CENPH: variants seen among roughly 807,000 people sequenced by gnomAD.
CENPH encodes CENP-H.
A neutral mutation model predicts 42.9 loss-of-function variants in CENPH; 40 were observed. The ratio of observed to expected loss-of-function variants is 0.93; its 90% CI spans 0.72 to 1.21. CENPH has a LOEUF of 1.21. Ranked by LOEUF, CENPH falls within the 50% of genes most tolerant of loss-of-function variation. The pLI is 0.00. For missense variants in CENPH, 302 were observed against 292.9 expected, an observed-to-expected ratio of 1.03 and a Z score of -0.23; for synonymous variants, 88 against 96.5, an observed-to-expected ratio of 0.91 and a Z score of 0.52.
chr5:69,190,155 A>G (rs1305914748), intron 1 of CENPH, among the ~76,000 whole-genome samples: 1 of 152,208 alleles, frequency 6.6e-6, no homozygotes, highest in African/African-American at 2.4e-5. Context: ...TTTGTAACCC[A>G]GAAGCTTTAT....
chr5:69,205,955 C>T (rs916906859), intron 7 of CENPH, among the ~76,000 whole-genome samples: 8 of 151,742 alleles, frequency 5.3e-5, no homozygotes, highest in Non-Finnish European at 8.8e-5. Flanking sequence ...GTGATCCGCC[C>T]TCCTCGACCA....
At position 69,209,920 on chromosome 5, in the gene CENPH, G is replaced by C; in HGVS notation, c.*121G>C. 1 of 579,822 alleles carries C rather than the reference G, an allele frequency of 1.7e-6. No homozygotes were observed. The highest frequency in any genetic ancestry group is 2.5e-5 in the South Asian group (1 of 39,458). The allele number at this position is 579,822 out of a possible 1,614,324, so 35.9% of individuals were successfully genotyped here. ...AAGCATATCCATAACGTTTACAGTT[G>C]TAGTACAGTTGTGGTTAGTTATTTG... On this transcript the variant is annotated 3_prime_UTR_variant, in exon 9 of 9. Coordinates refer to ENST00000283006, the MANE Select transcript of CENPH (RefSeq NM_022909.4).
At chr5:69,198,021 C>T (rs1284103271) in intron 5 of CENPH, among the ~76,000 whole-genome samples, 4 of 150,258 alleles carry the variant, frequency 2.7e-5, no homozygotes, top group East Asian at 2.0e-4. Flanking sequence ...CCCGGGTTCA[C>T]GCCATTCTCC....
chr5:69,209,363 C>T (rs1748211035), intron 8 of CENPH, among the ~76,000 whole-genome samples: 2 of 151,802 alleles, frequency 1.3e-5, no homozygotes, highest in South Asian at 2.1e-4. Flanking sequence ...TACGTTGAAA[C>T]CCTGTCTCTA....
At chr5:69,195,313 C>T (rs1397480139) in intron 3 of CENPH, among the ~76,000 whole-genome samples, 1 of 152,180 alleles carries the variant, frequency 6.6e-6, no homozygotes, top group East Asian at 1.9e-4. Context: ...TAATCCTCCA[C>T]CTTGGCCTCC....
At chr5:69,200,112 C>CAAAAAAAAAAAAAAAAAA (rs373894870) in intron 5 of CENPH, among the ~76,000 whole-genome samples, 1 of 51,408 alleles carries the variant, frequency 1.9e-5, no homozygotes, top group Non-Finnish European at 4.2e-5. Context: ...GACTCTGTCT[C>CAAAAAAAAAAAAAAAAAA]AAAAAAAAAA....
Position 69,207,535 on chromosome 5 carries a change from C to T in CENPH, c.488-661C>T, listed in dbSNP as rs376151541. Among the ~76,000 whole-genome samples, 15 of 143,618 alleles carry T rather than the reference C, an allele frequency of 1.0e-4. 1 individual carries two copies. In the East Asian group the frequency reaches 2.0e-3, roughly 19 times the overall value. 94.2% of individuals were successfully genotyped at this position (143,618 alleles called of 152,430 possible). On this transcript the variant is annotated intron_variant, in intron 7 of 8. Coordinates refer to ENST00000283006, the MANE Select transcript of CENPH (RefSeq NM_022909.4). ...AAAAGTAAGATTCCTTGGCCGGGCG[C>T]GGTGGCTCACGCCTGTAATCTCAGC...
chr5:69,200,719 C>CT (rs70992906), intron 5 of CENPH, among the ~76,000 whole-genome samples: 863 of 46,846 alleles, frequency 0.018, 233 homozygotes, highest in Non-Finnish European at 0.024. Flanking sequence ...ATCAGCGTAT[C>CT]TTTTTTTTTT....
At chr5:69,204,600 T>TTTTTTC (rs1748118318) in intron 7 of CENPH, among the ~76,000 whole-genome samples, 1 of 120,566 alleles carries the variant, frequency 8.3e-6, no homozygotes, top group African/African-American at 3.2e-5. Context: ...TGTATTTCTT[T>TTTTTTC]TTTTTTTTTT....
chr5:69,202,832 G>T, intron 6 of CENPH, 87 bp from the exon 7 acceptor site: 1 of 818,972 alleles, frequency 1.2e-6, no homozygotes, highest in Non-Finnish European at 2.0e-6. Context: ...GATAACTAAG[G>T]CTAGTAGATA....
At chr5:69,207,191 C>CT (rs796282210) in intron 7 of CENPH, among the ~76,000 whole-genome samples, 157 of 145,862 alleles carry the variant, frequency 1.1e-3, no homozygotes, top group African/African-American at 1.9e-3. Context: ...GGGAATCTTA[C>CT]TTTTTTTTTT....
In CENPH at chr5:69,209,913, T is replaced by G. The variant is rs1748219657; in HGVS notation, c.*114T>G. ...TTTAGAAAAGCATATCCATAACGTT[T>G]ACAGTTGTAGTACAGTTGTGGTTAG... On this transcript the variant is annotated 3_prime_UTR_variant, in exon 9 of 9. Coordinates refer to ENST00000283006, the MANE Select transcript of CENPH (RefSeq NM_022909.4). The G allele has an allele frequency of 6.4e-6, 4 of 623,328 alleles. No individual in the cohort carries two copies. Among genetic ancestry groups the G allele is most frequent in the Admixed American group, 2.9e-5 (1 of 34,362 alleles). 38.6% of individuals were successfully genotyped at this position (623,328 alleles called of 1,614,324 possible). A position where few individuals can be genotyped will look rare whatever the true frequency, so the allele number is the denominator to read the frequency against.
At chr5:69,195,459 A>G (rs1276163974) in intron 3 of CENPH, among the ~76,000 whole-genome samples, 3 of 152,024 alleles carry the variant, frequency 2.0e-5, no homozygotes, top group Non-Finnish European at 4.4e-5. Flanking sequence ...GAAGTTGTTA[A>G]TTTGGGATGG....
At chr5:69,193,918 C>G (rs572975009) in intron 2 of CENPH, among the ~76,000 whole-genome samples, 3 of 152,212 alleles carry the variant, frequency 2.0e-5, no homozygotes, top group African/African-American at 7.2e-5. Flanking sequence ...TCCCAAAGTA[C>G]TGGGATTACA....
At chr5:69,204,031 T>A (rs1430194223) in intron 7 of CENPH, among the ~76,000 whole-genome samples, 1 of 68,594 alleles carries the variant, frequency 1.5e-5, no homozygotes, top group Non-Finnish European at 3.0e-5. Context: ...ATTATATATA[T>A]AATTATATAT....
intron 3 of CENPH, among the ~76,000 whole-genome samples, chr5:69,195,052 A>G (rs1747941822): frequency 6.6e-6 from 1 of 151,978 alleles, no homozygotes. Flanking sequence ...CAACATGGAG[A>G]AACCCCATCT....
chr5:69,200,194 TA>T (rs1444659532), intron 5 of CENPH, among the ~76,000 whole-genome samples: 14 of 151,994 alleles, frequency 9.2e-5, no homozygotes, highest in East Asian at 7.7e-4. Flanking sequence ...TTATAACTGT[TA>T]AAAAAAATTA....
Position 69,195,720 on chromosome 5 carries a change from A to C in CENPH, c.243A>C (p.Lys81Asn). The change falls in exon 4 of 9, where the codon AAA becomes AAC. Residue 81 changes from lysine to asparagine, a missense_variant. Coordinates refer to ENST00000283006, the MANE Select transcript of CENPH (RefSeq NM_022909.4). ...QIMQEKQIEAKIEDLENEIEE... is the reference protein window; with the variant it reads ...QIMQEKQIEANIEDLENEIEE... ...TTTGCTCATGTTTCTTTGATAGTAAAATTGAAGACCTGGAAAATGAAATTG... is the reference window on the plus strand; with the variant it reads ...TTTGCTCATGTTTCTTTGATAGTAACATTGAAGACCTGGAAAATGAAATTG... The C allele has an allele frequency of 6.5e-7, 1 of 1,544,548 alleles. No individual in the cohort carries two copies. Among genetic ancestry groups the C allele is most frequent in the Non-Finnish European group, 8.9e-7 (1 of 1,129,342 alleles).
chr5:69,209,703 A>G lies in CENPH; in HGVS notation c.652-4A>G, dbSNP rs751439549. Reference sequence around the variant, plus strand: ...AACTTTAAAACAATTTTTTTTCTTTACAGAACCTTATTTTGGGGAGTAAAG... The same window carrying G: ...AACTTTAAAACAATTTTTTTTCTTTGCAGAACCTTATTTTGGGGAGTAAAG... On this transcript the variant is annotated splice_polypyrimidine_tract_variant and splice_region_variant and intron_variant, in intron 8 of 8. Transcript: ENST00000283006. 6.5e-7 allele frequency: 1 copy of G among 1,533,876 alleles called. No individual in the cohort carries two copies. Among genetic ancestry groups the G allele is most frequent in the South Asian group, 1.2e-5 (1 of 84,218 alleles).
Sources: allele counts gnomAD v4.1 joint callset (sites outside exome capture counted in the v4.1 genomes callset), GRCh38; gene constraint gnomAD v4.1.1; transcripts MANE v1.5; gene names NCBI Gene and HGNC (gene_info 2026-07-23, HGNC 2026-07-21).